The following LRIT1 variants were observed in gnomAD, a reference collection of about 807,000 sequenced individuals.
LRIT1 encodes leucine rich repeat, Ig-like and transmembrane domains 1, also known as leucine-rich repeat, immunoglobulin-like domain and transmembrane domain-containing protein 1.
A neutral mutation model predicts 24.0 loss-of-function variants in LRIT1; 23 were observed. The observed-to-expected ratio is 0.96, with a 90% CI of 0.69 to 1.36. The LOEUF is 1.36. LRIT1 is among the 40% of genes most tolerant of loss of function. The probability of loss-of-function intolerance (pLI) is 0.00; values close to 1 mark genes in which losing one functional copy is unlikely to be tolerated. For synonymous variants in LRIT1, 361 were observed against 340.5 expected (o/e 1.06, Z -0.66); for missense variants, 846 against 806.3 (o/e 1.05, Z -0.60).
intron 1 of LRIT1, among the ~76,000 whole-genome samples, chr10:84,237,993 AAG>A (rs1271764078): frequency 1.3e-5 from 2 of 152,192 alleles, no homozygotes; most frequent in Non-Finnish European, 2.9e-5. Context: ...ACAGTGCACT[AAG>A]AATGAACAGC....
Position 84,232,510 on chromosome 10 carries a change from A to G in LRIT1, c.1289T>C (p.Met430Thr), listed in dbSNP as rs1263947880. The change falls in exon 4 of 4, where the codon ATG becomes ACG. Residue 430 changes from methionine (M) to threonine (T), a missense_variant. Transcript: ENST00000372105. ...CCCCACCACCTTCACAGACCTCACCATTCGTGCCTCTGAGGGTCCTGCCCG... is the reference window on the plus strand; with the variant it reads ...CCCCACCACCTTCACAGACCTCACCGTTCGTGCCTCTGAGGGTCCTGCCCG... Reference protein sequence around the residue: ...DGRAGPSEARMVRSVKVVGDT... With the variant: ...DGRAGPSEARTVRSVKVVGDT... The G allele has an allele frequency of 3.7e-6, 6 of 1,614,132 alleles. No individual in the cohort carries two copies. The South Asian group carries it at 6.6e-5, about 18-fold the overall frequency.
At position 84,232,268 on chromosome 10, in the gene LRIT1, C is replaced by T. The variant is rs560882425; in HGVS notation, c.1531G>A (p.Val511Ile). 2 of 1,614,136 alleles carry T rather than the reference C, an allele frequency of 1.2e-6. No individual in the cohort carries two copies. Among genetic ancestry groups the T allele is most frequent in the South Asian group, 2.2e-5 (2 of 91,072 alleles). The change falls in exon 4 of 4, where the codon GTT (valine) becomes ATT (isoleucine). Residue 511 changes from valine to isoleucine, a missense_variant. Transcript: ENST00000372105. ...QGLVPRKEQC[V>I]IFSTNEVVDA... ...ACCACTTCATTGGTGGAGAAAATAA[C>T]ACACTGCTCCTTCCGGGGCACCAGG...
chr10:84,234,149 T>C lies in LRIT1; in HGVS notation c.819A>G (p.Leu273=), dbSNP rs753870515. ...IRSLLGGTAL[L]RCGATGVPGP... ...CAGGGACTCCAGTAGCTCCACAGCG[T>C]AGCAGTGCTGTGCCACCCAAAAGGG... is the stretch of plus-strand genomic sequence containing the variant. Residue 273 remains leucine (L), a synonymous_variant, in exon 3 of 4, where the codon CTA becomes CTG. Transcript: ENST00000372105. The C allele has an allele frequency of 6.2e-7, 1 of 1,613,228 alleles. No homozygotes were observed. The highest frequency in any genetic ancestry group is 1.7e-5 in the Admixed American group (1 of 59,964).
rs368097509 is a variant in LRIT1 at position 84,237,632 on chromosome 10, C to T, written c.177G>A (p.Pro59=). The stretch of plus-strand genomic sequence containing the variant: ...GCTCCAGGCGCAGTCTGGAGGTGTC[C>T]GGGGGGATGGACGCCGGGGGCAGGG... ...DMTLPPASIP[P]DTSRLRLERT... The change falls in exon 2 of 4, where the codon CCG becomes CCA. Residue 59 remains proline (P), a synonymous_variant. Transcript: ENST00000372105. The T allele has an allele frequency of 1.4e-5, 23 of 1,605,884 alleles. No individual in the cohort carries two copies. The African/African-American group carries it at 2.0e-4, about 14-fold the overall frequency.
At chr10:84,236,721 G>A (rs1356542196) in intron 2 of LRIT1, among the ~76,000 whole-genome samples, 3 of 152,192 alleles carry the variant, frequency 2.0e-5, no homozygotes, top group Non-Finnish European at 4.4e-5. Flanking sequence ...TTGGAATAGG[G>A]AGAGAGGACA....
chr10:84,233,983 TCCCTCTGG>T (rs1241384286), intron 3 of LRIT1, 82 bp downstream of exon 3: 18 of 1,278,148 alleles, frequency 1.4e-5, no homozygotes, highest in Middle Eastern at 5.7e-4. Context: ...TTAGACAACT[TCCCTCTGG>T]CCCTGCCAAA....
intron 1 of LRIT1, among the ~76,000 whole-genome samples, chr10:84,240,975 A>G (rs926134906): frequency 3.3e-5 from 5 of 152,174 alleles, no homozygotes; most frequent in Non-Finnish European, 7.3e-5. Context: ...TAGAAAAAAT[A>G]AAAGAGAAGA....
chr10:84,236,653 T>G (rs1842649706), intron 2 of LRIT1, among the ~76,000 whole-genome samples: 1 of 152,222 alleles, frequency 6.6e-6, no homozygotes, highest in Non-Finnish European at 1.5e-5. Flanking sequence ...GAAATGTATC[T>G]GAACAGATAG....
intron 1 of LRIT1, among the ~76,000 whole-genome samples, chr10:84,241,044 T>C (rs936135174): frequency 1.3e-5 from 2 of 152,110 alleles, no homozygotes; most frequent in Non-Finnish European, 2.9e-5. Context: ...ACCAGGAGCC[T>C]GGAGGAGGAC....
rs138961817 is a variant in LRIT1, at chr10:84,232,236, A to C, written c.1563T>G (p.Ala521=). The C allele has an allele frequency of 1.5e-5, 24 of 1,614,242 alleles. No individual in the cohort carries two copies. The highest frequency in any genetic ancestry group is 2.0e-5 in the Non-Finnish European group (24 of 1,180,030). Residue 521 remains alanine, a synonymous_variant, in exon 4 of 4, where the codon GCT becomes GCG. Coordinates refer to ENST00000372105, the MANE Select transcript of LRIT1 (RefSeq NM_015613.3). ...VIFSTNEVVD[A]ENTQQLINVV... is the part of the protein sequence containing the mutation. ...CATTGATAAGCTGCTGAGTGTTCTCAGCATCCACCACTTCATTGGTGGAGA... is the reference window on the plus strand; with the variant it reads ...CATTGATAAGCTGCTGAGTGTTCTCCGCATCCACCACTTCATTGGTGGAGA...
At position 84,232,067 on chromosome 10, in the gene LRIT1, C is replaced by T; in HGVS notation, c.1732G>A (p.Gly578Ser). The change falls in exon 4 of 4, where the codon GGC (glycine) becomes AGC (serine). Residue 578 changes from glycine (G) to serine (S), a missense_variant. By Grantham distance (56) the Gly-to-Ser change is moderately conservative (BLOSUM62 0). Transcript: ENST00000372105. ...TVTYVNLERL[G>S]YSEDGLEELS... is the part of the protein sequence containing the mutation. ...TCCTCCAAGCCGTCCTCGCTGTAGC[C>T]CAGTCTCTCTAGGTTGACGTAGGTA... 6.2e-7 allele frequency: 1 copy of T among 1,614,186 alleles called. No individual in the cohort carries two copies. Among genetic ancestry groups the T allele is most frequent in the Non-Finnish European group, 8.5e-7 (1 of 1,180,040 alleles).
chr10:84,238,169 C>G (rs898273264), intron 1 of LRIT1, among the ~76,000 whole-genome samples: 7 of 152,234 alleles, frequency 4.6e-5, no homozygotes, highest in Admixed American at 3.9e-4. Context: ...GCCTGGCCAA[C>G]ATGGTGAAAC....
intron 2 of LRIT1, 39 bp downstream of exon 2, chr10:84,237,181 A>C (rs1357795296): frequency 1.4e-6 from 2 of 1,417,660 alleles, no homozygotes; most frequent in Non-Finnish European, 1.9e-6. Flanking sequence ...AAGCGTGGTA[A>C]CTTGCCTAAG....
chr10:84,237,339 A>T lies in LRIT1; in HGVS notation c.470T>A (p.Leu157His), dbSNP rs1214507728. ...GTTGCTGGAGAGGTCGAGGAAGGTG[A>T]GGTTCTCCAGGAAGCGCGCGGCCTC... ...PAEAARFLEN[L>H]TFLDLSSNQL... The change falls in exon 2 of 4, where the codon CTC (leucine) becomes CAC (histidine). Residue 157 changes from leucine to histidine, a missense_variant. Leu to His is a moderately conservative substitution (Grantham distance 99). Coordinates refer to ENST00000372105, the MANE Select transcript of LRIT1 (RefSeq NM_015613.3). The T allele has an allele frequency of 6.4e-7, 1 of 1,550,696 alleles. No homozygotes were observed. Among genetic ancestry groups the T allele is most frequent in the Non-Finnish European group, 8.7e-7 (1 of 1,146,954 alleles).
intron 2 of LRIT1, among the ~76,000 whole-genome samples, chr10:84,235,338 A>G (rs1209774262): frequency 1.3e-5 from 2 of 152,120 alleles, no homozygotes; most frequent in African/African-American, 4.8e-5. Context: ...CCATCTCACC[A>G]GTGGTTGCTG....
chr10:84,232,376 T>A lies in LRIT1; in HGVS notation c.1423A>T (p.Ile475Phe). The A allele has an allele frequency of 6.2e-7, 1 of 1,613,910 alleles. No homozygotes were observed. The highest frequency in any genetic ancestry group is 8.5e-7 in the Non-Finnish European group (1 of 1,179,928). Residue 475 changes from isoleucine (I) to phenylalanine (F), a missense_variant, in exon 4 of 4, where the codon ATT becomes TTT. Ile to Phe is a conservative substitution (Grantham distance 21). Coordinates refer to ENST00000372105, the MANE Select transcript of LRIT1 (RefSeq NM_015613.3). ...ACTCTGGTCTTCCCAGGCTGCACAATCACCCGCCGCATGCTGTGCTGCCCA... is the reference window on the plus strand; with the variant it reads ...ACTCTGGTCTTCCCAGGCTGCACAAACACCCGCCGCATGCTGTGCTGCCCA... ...VFGQHSMRRV[I>F]VQPGKTRVTI...
Position 84,241,329 on chromosome 10 carries a change from G to A in LRIT1, c.111C>T (p.Gly37=). Residue 37 remains glycine, a synonymous_variant, in exon 1 of 4, where the codon GGC becomes GGT. Coordinates refer to ENST00000372105, the MANE Select transcript of LRIT1 (RefSeq NM_015613.3). ...CSCSLHIMGD[G]SKARTVVCND... is the part of the protein sequence containing the mutation. Reference sequence around the variant, plus strand: ...ACCCGGTACCATACCTGGCCTTGCTGCCATCACCCATGATATGGAGGCTGC... The same window carrying A: ...ACCCGGTACCATACCTGGCCTTGCTACCATCACCCATGATATGGAGGCTGC... The A allele has an allele frequency of 6.2e-7, 1 of 1,613,820 alleles. No homozygotes were observed. The highest frequency in any genetic ancestry group is 8.5e-7 in the Non-Finnish European group (1 of 1,179,896).
chr10:84,234,079 C>T lies in LRIT1; in HGVS notation c.889G>A (p.Gly297Ser), dbSNP rs753686525. 7 of 1,535,342 alleles carry T rather than the reference C, an allele frequency of 4.6e-6. No individual in the cohort carries two copies. The highest frequency in any genetic ancestry group is 4.6e-5 in the East Asian group (2 of 43,770). ...ATCCCTGTAGCTCACATACCTGTAC[C>T]ATTAAGGGGCCTGCCATTGGCCCTC... Reference protein sequence around the residue: ...WRRANGRPLNGTVHQEVSSDG... With the variant: ...WRRANGRPLNSTVHQEVSSDG... Residue 297 changes from glycine to serine, a missense_variant, in exon 3 of 4, where the codon GGT (glycine) becomes AGT (serine). Gly to Ser is a moderately conservative substitution (Grantham distance 56). Coordinates refer to ENST00000372105, the MANE Select transcript of LRIT1 (RefSeq NM_015613.3).
chr10:84,241,481 G>A lies in LRIT1; in HGVS notation c.-42C>T, dbSNP rs1842691052. On this transcript the variant is annotated 5_prime_UTR_variant, in exon 1 of 4. Transcript: ENST00000372105. ...CTGGCCCAGGCAGGGGCCTGTCCCT[G>A]GACCGCTCCGTCCCACCGGCCCAGC... 1 of 1,449,936 alleles carries A rather than the reference G, an allele frequency of 6.9e-7. No homozygotes were observed. The highest frequency in any genetic ancestry group is 2.8e-5 in the Admixed American group (1 of 36,192). The allele number at this position is 1,449,936 out of a possible 1,614,324, so 89.8% of individuals were successfully genotyped here. A position where few individuals can be genotyped will look rare whatever the true frequency, so the allele number is the denominator to read the frequency against.
Sources: gnomAD v4.1 joint callset for allele counts (sites outside exome capture counted in the v4.1 genomes callset) on GRCh38, gnomAD v4.1.1 for gene constraint, MANE v1.5 for transcripts, NCBI Gene and HGNC (gene_info 2026-07-23, HGNC 2026-07-21) for gene names.